MLLT10: variants seen among roughly 807,000 people sequenced by gnomAD.
MLLT10 encodes protein AF-10.
In MLLT10, 30 loss-of-function variants were observed where a neutral mutation model predicts 129.1. The ratio of observed to expected loss-of-function variants is 0.23; its 90% CI spans 0.17 to 0.32. MLLT10 has a LOEUF of 0.32. Among genes scored for constraint, MLLT10 ranks in the 10% least tolerant of loss-of-function variants. The probability of loss-of-function intolerance (pLI) is 1.00; values close to 1 mark genes in which losing one functional copy is unlikely to be tolerated. For synonymous variants in MLLT10, 490 were observed against 446.4 expected, an observed-to-expected ratio of 1.10 and a Z score of -1.23; for missense variants, 1,119 against 1,268.3, an observed-to-expected ratio of 0.88 and a Z score of 1.79.
intron 13 of MLLT10, among the ~76,000 whole-genome samples, chr10:21,686,002 TGAA>T (rs887341331): frequency 6.6e-6 from 1 of 152,150 alleles, no homozygotes; most frequent in African/African-American, 2.4e-5. Flanking sequence ...GACATAAAGA[TGAA>T]AACTAGGAGG....
chr10:21,613,898 T>C (rs1378860814), intron 6 of MLLT10, among the ~76,000 whole-genome samples: 1 of 148,114 alleles, frequency 6.8e-6, no homozygotes, highest in Non-Finnish European at 1.5e-5. Flanking sequence ...AGAATGAGGC[T>C]CCATCTAAAA....
At chr10:21,693,985 T>C (rs1411398546) in intron 13 of MLLT10, among the ~76,000 whole-genome samples, 1 of 152,210 alleles carries the variant, frequency 6.6e-6, no homozygotes, top group Non-Finnish European at 1.5e-5. Flanking sequence ...TAGTTTGGTT[T>C]TCTGTTTTTC....
At chr10:21,654,111 G>A (rs929506346) in intron 9 of MLLT10, among the ~76,000 whole-genome samples, 24 of 152,184 alleles carry the variant, frequency 1.6e-4, no homozygotes, top group African/African-American at 5.3e-4. Flanking sequence ...TAGTCATTTG[G>A]AGGTCATTAC....
intron 12 of MLLT10, among the ~76,000 whole-genome samples, chr10:21,681,826 T>C (rs1473775271): frequency 6.6e-6 from 1 of 152,226 alleles, no homozygotes; most frequent in Non-Finnish European, 1.5e-5. Context: ...ATGAGGTTTT[T>C]CTTTATAATA....
At chr10:21,571,555 A>G (rs926068317) in intron 3 of MLLT10, among the ~76,000 whole-genome samples, 9 of 152,282 alleles carry the variant, frequency 5.9e-5, no homozygotes, top group Admixed American at 5.2e-4. Flanking sequence ...CTTGTCCAAT[A>G]TCTTCAGTGC....
intron 8 of MLLT10, among the ~76,000 whole-genome samples, chr10:21,649,423 C>T (rs533706974): frequency 1.3e-5 from 2 of 152,302 alleles, no homozygotes; most frequent in East Asian, 3.9e-4. Context: ...ATGACCCAAT[C>T]GTGTATTCTA....
chr10:21,672,168 A>AGTGTGTGT (rs55769872), intron 10 of MLLT10, among the ~76,000 whole-genome samples: 9,176 of 134,264 alleles, frequency 0.068, 369 homozygotes, highest in African/African-American at 0.082. Context: ...CCAGGTTTTC[A>AGTGTGTGT]GTGTGTGTGT....
chr10:21,608,128 G>C (rs978286034), intron 5 of MLLT10, among the ~76,000 whole-genome samples: 1 of 150,450 alleles, frequency 6.6e-6, no homozygotes, highest in Non-Finnish European at 1.5e-5. Context: ...ACATGTGGCA[G>C]GTCATTTTTC....
chr10:21,707,107 A>G (rs1830390706), intron 13 of MLLT10, among the ~76,000 whole-genome samples: 1 of 151,564 alleles, frequency 6.6e-6, no homozygotes, highest in Non-Finnish European at 1.5e-5. Flanking sequence ...CAGTAAGGGC[A>G]CTTTTAATCA....
At chr10:21,657,746 C>T (rs114769562) in intron 9 of MLLT10, among the ~76,000 whole-genome samples, 1 of 152,206 alleles carries the variant, frequency 6.6e-6, no homozygotes, top group African/African-American at 2.4e-5. Context: ...TTTCTCTTTG[C>T]AGCATTTTTT....
chr10:21,674,490 CA>C (rs1184721365), intron 11 of MLLT10, among the ~76,000 whole-genome samples: 3 of 152,094 alleles, frequency 2.0e-5, no homozygotes, highest in Non-Finnish European at 4.4e-5. Context: ...ATTGTGTTTT[CA>C]AATATACTTC....
chr10:21,614,134 C>T (rs1167962041), intron 6 of MLLT10, among the ~76,000 whole-genome samples: 1 of 150,054 alleles, frequency 6.7e-6, no homozygotes, highest in Non-Finnish European at 1.5e-5. Context: ...GGGAGGATTG[C>T]CTGAGCCCAG....
chr10:21,674,503 T>C (rs1187079518), intron 11 of MLLT10, among the ~76,000 whole-genome samples: 1 of 152,224 alleles, frequency 6.6e-6, no homozygotes, highest in East Asian at 1.9e-4. Flanking sequence ...ATATACTTCA[T>C]GATTTTACCA....
intron 8 of MLLT10, among the ~76,000 whole-genome samples, chr10:21,650,786 A>G (rs1371438625): frequency 6.6e-6 from 1 of 152,072 alleles, no homozygotes; most frequent in Non-Finnish European, 1.5e-5. Context: ...ATTCCTTTTT[A>G]TATTTAGCTC....
Position 21,534,664 on chromosome 10 carries a change from C to T in MLLT10, c.20C>T (p.Pro7Leu), listed in dbSNP as rs2033487490. 4 of 1,611,380 alleles carry T rather than the reference C, an allele frequency of 2.5e-6. No homozygotes were observed. Among genetic ancestry groups the T allele is most frequent in the South Asian group, 1.1e-5 (1 of 90,760 alleles). Residue 7 changes from proline (P) to leucine (L), a missense_variant, in exon 2 of 23, where the codon CCC becomes CTC. By Grantham distance (98) the Pro-to-Leu change is moderately conservative. Coordinates refer to ENST00000307729, the MANE Select transcript of MLLT10 (RefSeq NM_001195626.3). ...TCTTAGATGGTCTCTAGCGACCGGC[C>T]CGTGTCACTGGAGGACGAGGTCTCC... The part of the protein sequence containing the change: MVSSDR[P>L]VSLEDEVSHS...
chr10:21,734,829 TTAAAGA>T (rs2058231049), intron 20 of MLLT10, among the ~76,000 whole-genome samples: 1 of 152,310 alleles, frequency 6.6e-6, no homozygotes, highest in East Asian at 1.9e-4. Flanking sequence ...CCTTGAATAA[TTAAAGA>T]TAAATTATTA....
chr10:21,534,159 A>C, upstream of MLLT10: 1 of 375,878 alleles, frequency 2.7e-6, no homozygotes, highest in Non-Finnish European at 4.7e-6. Context: ...GGGGCAGCCA[A>C]CAGGCCGCGG....
chr10:21,599,730 A>C (rs1450406409), intron 5 of MLLT10, among the ~76,000 whole-genome samples: 8 of 151,958 alleles, frequency 5.3e-5, no homozygotes, highest in Non-Finnish European at 1.2e-4. Context: ...CACCCGGCTA[A>C]GTTTTTTGTA....
intron 5 of MLLT10, among the ~76,000 whole-genome samples, chr10:21,608,470 C>T (rs1325093617): frequency 6.6e-6 from 1 of 152,048 alleles, no homozygotes; most frequent in African/African-American, 2.4e-5. Context: ...AGTTACCACT[C>T]CTAGCCACTT....
Sources: gnomAD v4.1 joint callset for allele counts (sites outside exome capture counted in the v4.1 genomes callset) on GRCh38, gnomAD v4.1.1 for gene constraint, MANE v1.5 for transcripts, NCBI Gene and HGNC (gene_info 2026-07-23, HGNC 2026-07-21) for gene names.